The following TSC1 variants were observed in gnomAD, a reference collection of about 807,000 sequenced individuals.
TSC1 encodes TSC complex subunit 1.
TSC1 carries 20 observed loss-of-function variants against 124.3 expected under a neutral mutation model. The observed-to-expected ratio is 0.16, with a 90% CI of 0.11 to 0.23. TSC1 has a LOEUF of 0.23. Among genes scored for constraint, TSC1 ranks in the 10% least tolerant of loss-of-function variants. The probability of loss-of-function intolerance (pLI) is 1.00; values close to 1 mark genes in which losing one functional copy is unlikely to be tolerated. For synonymous variants in TSC1, 493 were observed against 539.1 expected, an observed-to-expected ratio of 0.91 and a Z score of 1.19; for missense variants, 1,124 against 1,448.5, an observed-to-expected ratio of 0.78 and a Z score of 3.64.
chr9:132,904,265 G>C (rs2131783060), intron 16 of TSC1, 146 bp downstream of exon 16: 1 of 890,848 alleles, frequency 1.1e-6, no homozygotes, highest in East Asian at 2.7e-5. Flanking sequence ...CAACACTTGA[G>C]ATCCTTTAGC....
chr9:132,894,293 T>C lies in TSC1; in HGVS notation c.*1942A>G, dbSNP rs563209868. 6.5e-5 allele frequency: 15 copies of C among 231,490 alleles called. No individual in the cohort carries two copies. Among genetic ancestry groups the C allele is most frequent in the African/African-American group, 2.9e-4 (13 of 45,318 alleles). 14.3% of individuals were successfully genotyped at this position (231,490 alleles called of 1,614,324 possible). ...GAAAAGGCTTTAAGTGCCTGGTATC[T>C]TGTTCTATGGCACAGATCTCTTGGG... On this transcript the variant is annotated 3_prime_UTR_variant, in exon 23 of 23. Coordinates refer to ENST00000298552, the MANE Select transcript of TSC1 (RefSeq NM_000368.5).
At chr9:132,901,896 G>A in intron 18 of TSC1, 197 bp from the exon 19 acceptor site, 8 of 569,794 alleles carry the variant, frequency 1.4e-5, no homozygotes, top group Non-Finnish European at 1.9e-5. Flanking sequence ...TTTAACAAAA[G>A]AAAAAAAGAG....
intron 2 of TSC1, chr9:132,934,504 C>G (rs1847359197): frequency 6.6e-6 from 1 of 152,276 alleles, no homozygotes; most frequent in Non-Finnish European, 1.5e-5. Flanking sequence ...ACATCAGAAT[C>G]ACCTGGAGAG....
chr9:132,892,697 T>C lies in TSC1; in HGVS notation c.*3538A>G, dbSNP rs533324867. The C allele has an allele frequency of 3.0e-4, 71 of 233,362 alleles. No individual in the cohort carries two copies. The highest frequency in any genetic ancestry group is 1.3e-3 in the African/African-American group (60 of 45,484). The allele number at this position is 233,362 out of a possible 1,614,324, so 14.5% of individuals were successfully genotyped here. A position where few individuals can be genotyped will look rare whatever the true frequency, so the allele number is the denominator to read the frequency against. On this transcript the variant is annotated 3_prime_UTR_variant, in exon 23 of 23. Transcript: ENST00000298552. ...AGAACTTTTGTTTGCTCTTCGGTTC[T>C]TTCCTTCTTCAAGTGGTATGCTCTA...
In TSC1 at chr9:132,921,950, C is replaced by T. The variant is rs118203395; in HGVS notation, c.532G>A (p.Val178Ile). ...GCGTACACACTGGCATGGAGATGGA[C>T]GAGATAGACTTCCGCCACGTGGCCT... ...KPGHVAEVYL[V>I]HLHASVYALF... Residue 178 changes from valine (V) to isoleucine (I), a missense_variant, in exon 7 of 23, where the codon GTC becomes ATC. Val to Ile is a conservative substitution (Grantham distance 29). Transcript: ENST00000298552. This position sits in a 1 kb window ranked among gnomAD's most constrained non-coding sequence, Gnocchi z 4.3. 266 of 1,613,958 alleles carry T rather than the reference C, an allele frequency of 1.6e-4. 1 individual carries two copies. Among genetic ancestry groups the T allele is most frequent in the Non-Finnish European group, 2.1e-4 (245 of 1,180,020 alleles).
In TSC1 at chr9:132,891,836, C is replaced by T. The variant is rs1237111765; in HGVS notation, c.*4399G>A. On this transcript the variant is annotated 3_prime_UTR_variant, in exon 23 of 23. Coordinates refer to ENST00000298552, the MANE Select transcript of TSC1 (RefSeq NM_000368.5). ...AAGTACTTGCTACACAGAGCAGCAC[C>T]ATACCCTCCTGTCCAAACACTGTAA... 2 of 233,554 alleles carry T rather than the reference C, an allele frequency of 8.6e-6. No homozygotes were observed. The highest frequency in any genetic ancestry group is 1.7e-5 in the Non-Finnish European group (2 of 118,052). 14.5% of individuals were successfully genotyped at this position (233,554 alleles called of 1,614,324 possible). A position where few individuals can be genotyped will look rare whatever the true frequency, so the allele number is the denominator to read the frequency against.
At position 132,903,581 on chromosome 9, in the gene TSC1, T is replaced by A; in HGVS notation, c.2208+70A>T. 1 of 1,609,858 alleles carries A rather than the reference T, an allele frequency of 6.2e-7. No individual in the cohort carries two copies. The highest frequency in any genetic ancestry group is 8.5e-7 in the Non-Finnish European group (1 of 1,178,616). On this transcript the variant is annotated intron_variant, in intron 17 of 22. Coordinates refer to ENST00000298552, the MANE Select transcript of TSC1 (RefSeq NM_000368.5). The surrounding 1 kb of genome is among the most constrained non-coding windows in gnomAD (Gnocchi z 5.9). ...CTCTGACCTCCTCGGCTGCTGTGCT[T>A]TATAAGCTATCATGCTGACCCAAAA...
Position 132,896,811 on chromosome 9 carries a change from A to G in TSC1, c.2976-57T>C. 1 of 1,608,606 alleles carries G rather than the reference A, an allele frequency of 6.2e-7. No homozygotes were observed. Among genetic ancestry groups the G allele is most frequent in the Non-Finnish European group, 8.5e-7 (1 of 1,176,014 alleles). On this transcript the variant is annotated intron_variant, in intron 22 of 22. Transcript: ENST00000298552. This position sits in a 1 kb window ranked among gnomAD's most constrained non-coding sequence, Gnocchi z 4.5. The stretch of plus-strand genomic sequence containing the variant: ...TGGTGATTGGACTGTCCACATTCGG[A>G]GGATGTGGAATTACACTGACACTCA...
chr9:132,936,522 CT>C (rs1254425132), intron 1 of TSC1, among the ~76,000 whole-genome samples: 1 of 152,206 alleles, frequency 6.6e-6, no homozygotes, highest in Non-Finnish European at 1.5e-5. Context: ...TATCATTTTT[CT>C]ATTTTCTTCC....
intron 18 of TSC1, 34 bp from the exon 19 acceptor site, chr9:132,901,733 A>G (rs769637907): frequency 1.2e-6 from 2 of 1,605,460 alleles, no homozygotes; most frequent in East Asian, 2.2e-5. Context: ...AAGTTTGAGG[A>G]ACACCAACAG....
At chr9:132,904,262 TGA>T in intron 16 of TSC1, 147 bp downstream of exon 16, 1 of 878,270 alleles carries the variant, frequency 1.1e-6, no homozygotes, top group Non-Finnish European at 1.8e-6. Flanking sequence ...TGGCAACACT[TGA>T]GATCCTTTAG....
At chr9:132,931,388 C>T (rs779467791) in intron 2 of TSC1, 4 of 152,106 alleles carry the variant, frequency 2.6e-5, no homozygotes, top group Non-Finnish European at 5.9e-5. Flanking sequence ...CAGCTTGGGC[C>T]ACCTAGCTTG....
intron 1 of TSC1, among the ~76,000 whole-genome samples, chr9:132,935,443 A>T (rs550025443): frequency 6.6e-6 from 1 of 152,366 alleles, no homozygotes; most frequent in East Asian, 1.9e-4. Context: ...ACATTTAGCT[A>T]TTTATCTTAA....
In TSC1 at chr9:132,895,007, G is replaced by A. The variant is rs1262817850; in HGVS notation, c.*1228C>T. 3 of 232,362 alleles carry A rather than the reference G, an allele frequency of 1.3e-5. No individual in the cohort carries two copies. The highest frequency in any genetic ancestry group is 6.6e-5 in the African/African-American group (3 of 45,278). The allele number at this position is 232,362 out of a possible 1,614,324, so 14.4% of individuals were successfully genotyped here. A position where few individuals can be genotyped will look rare whatever the true frequency, so the allele number is the denominator to read the frequency against. ...TCGGGAGCACGTGGGGCAGCCTAGT[G>A]GGTATACACAGCCAGCCTTTGCCAG... On this transcript the variant is annotated 3_prime_UTR_variant, in exon 23 of 23. Transcript: ENST00000298552.
chr9:132,914,486 T>C (rs925595078), intron 8 of TSC1, among the ~76,000 whole-genome samples: 3 of 152,150 alleles, frequency 2.0e-5, no homozygotes, highest in African/African-American at 4.8e-5. Context: ...TTTATTATGA[T>C]TGGGATTTTT....
Position 132,896,294 on chromosome 9 carries a change from C to G in TSC1, c.3436G>C (p.Asp1146His), listed in dbSNP as rs397514806. The change falls in exon 23 of 23, where the codon GAC (aspartate) becomes CAC (histidine). Residue 1146 changes from aspartate to histidine, a missense_variant. Physicochemically the swap from Asp to His is moderately conservative, Grantham distance 81 (BLOSUM62 -1). This residue lies in a region of TSC1 where 325 missense variants were observed against 383.4 expected (regional missense o/e 0.85). Transcript: ENST00000298552. The surrounding 1 kb of genome is among the most constrained non-coding windows in gnomAD (Gnocchi z 4.5). ...DGPHPSPPTPDSVGQLHIMDY... is the reference protein window; with the variant it reads ...DGPHPSPPTPHSVGQLHIMDY... Reference sequence around the variant, plus strand: ...ATGATATGTAGCTGTCCAACACTGTCCGGGGTCGGGGGAGACGGGTGAGGG... The same window carrying G: ...ATGATATGTAGCTGTCCAACACTGTGCGGGGTCGGGGGAGACGGGTGAGGG... The G allele has an allele frequency of 3.1e-6, 5 of 1,614,196 alleles. No homozygotes were observed. In the South Asian group the frequency reaches 5.5e-5, roughly 18 times the overall value.
chr9:132,928,664 T>A, intron 3 of TSC1, 103 bp downstream of exon 3: 11 of 1,501,098 alleles, frequency 7.3e-6, no homozygotes, highest in Non-Finnish European at 9.9e-6. Context: ...TTAAAAAACT[T>A]TTCAGAAGAT....
Position 132,909,761 on chromosome 9 carries a change from T to A in TSC1, c.1263+810A>T, listed in dbSNP as rs1036531480. The A allele has an allele frequency of 2.0e-5, 3 of 152,380 alleles. No homozygotes were observed. In the East Asian group the frequency reaches 5.8e-4, roughly 29 times the overall value. The allele number at this position is 152,380 out of a possible 1,614,324, so 9.4% of individuals were successfully genotyped here. On this transcript the variant is annotated intron_variant, in intron 12 of 22. Transcript: ENST00000298552. ...ACATACATGTTCTCAAGGGCTAAGATTTAATAAAATTAATAATGGTTACTG... is the reference window on the plus strand; with the variant it reads ...ACATACATGTTCTCAAGGGCTAAGAATTAATAAAATTAATAATGGTTACTG...
Position 132,921,714 on chromosome 9 carries a change from A to T in TSC1, c.663+105T>A. On this transcript the variant is annotated intron_variant, in intron 7 of 22. Coordinates refer to ENST00000298552, the MANE Select transcript of TSC1 (RefSeq NM_000368.5). The surrounding 1 kb of genome is among the most constrained non-coding windows in gnomAD (Gnocchi z 4.3). ...TTGGAGTGGCGAGGAAGAAAACTGA[A>T]TTTCTTTTCAAAATTTCCCTGTCTG... 6.8e-7 allele frequency: 1 copy of T among 1,479,386 alleles called. No homozygotes were observed. Among genetic ancestry groups the T allele is most frequent in the Admixed American group, 1.7e-5 (1 of 59,406 alleles). The allele number at this position is 1,479,386 out of a possible 1,614,324, so 91.6% of individuals were successfully genotyped here. A position where few individuals can be genotyped will look rare whatever the true frequency, so the allele number is the denominator to read the frequency against.
Sources: allele counts gnomAD v4.1 joint callset (sites outside exome capture counted in the v4.1 genomes callset), GRCh38; gene constraint gnomAD v4.1.1; regional missense constraint gnomAD v4.1.1; non-coding constraint Gnocchi (gnomAD v3.1); transcripts MANE v1.5; gene names NCBI Gene and HGNC (gene_info 2026-07-23, HGNC 2026-07-21).